C7orf78: variants seen among roughly 807,000 people sequenced by gnomAD.
C7orf78 encodes the protein putative uncharacterized protein C7orf78.
the C7orf78 span, chr7:12,523,527 A>G: frequency 2.5e-6 from 1 of 395,602 alleles, no homozygotes; most frequent in Non-Finnish European, 4.5e-6. Flanking sequence ...TACATATAGG[A>G]AAATGGTATG....
chr7:12,522,837 A>C, the C7orf78 span: 1 of 395,490 alleles, frequency 2.5e-6, no homozygotes, highest in East Asian at 3.6e-5. Context: ...CTTCTCCTCC[A>C]TACATATTCC....
the C7orf78 span, chr7:12,523,125 T>C: frequency 8.6e-4 from 343 of 398,324 alleles, 1 homozygote; most frequent in Non-Finnish European, 1.3e-3. Flanking sequence ...CAATGTAAAA[T>C]GAAAGTTAAT....
the C7orf78 span, among the ~76,000 whole-genome samples, chr7:12,501,570 G>T: frequency 5.2e-5 from 7 of 135,368 alleles, 1 homozygote; most frequent in South Asian, 1.9e-3. Flanking sequence ...CACTGCTCAA[G>T]GAAATAAAAG....
chr7:12,504,463 A>G, the C7orf78 span: 1 of 152,166 alleles, frequency 6.6e-6, no homozygotes, highest in African/African-American at 2.4e-5. Flanking sequence ...ATAATGTTAA[A>G]CTGTTAGTCT....
chr7:12,508,097 AACCAACTGAC>A, the C7orf78 span, among the ~76,000 whole-genome samples: 1 of 152,240 alleles, frequency 6.6e-6, no homozygotes, highest in Non-Finnish European at 1.5e-5. Flanking sequence ...ATTAAAAGAT[AACCAACTGAC>A]ATGAACTGAC....
chr7:12,503,140 G>A, the C7orf78 span, among the ~76,000 whole-genome samples: 1 of 137,244 alleles, frequency 7.3e-6, no homozygotes, highest in Non-Finnish European at 1.6e-5. Context: ...GCTAGATGAC[G>A]AGTTAGTGGG....
chr7:12,499,342 G>T, the C7orf78 span, among the ~76,000 whole-genome samples: 2 of 152,054 alleles, frequency 1.3e-5, no homozygotes, highest in Non-Finnish European at 2.9e-5. Context: ...GCACACTCAC[G>T]TGCAGAGACA....
chr7:12,514,974 A>G, the C7orf78 span, among the ~76,000 whole-genome samples: 1 of 152,150 alleles, frequency 6.6e-6, no homozygotes, highest in South Asian at 2.1e-4. Flanking sequence ...AAGGTTTCTG[A>G]TGAGAAATCT....
the C7orf78 span, chr7:12,531,029 G>A: frequency 1.4e-4 from 55 of 398,298 alleles, no homozygotes; most frequent in South Asian, 8.9e-4. Context: ...AGAAGGCAGC[G>A]TGATGCATAC....
At chr7:12,534,851 G>C in the C7orf78 span, among the ~76,000 whole-genome samples, 1 of 152,040 alleles carries the variant, frequency 6.6e-6, no homozygotes, top group African/African-American at 2.4e-5. Flanking sequence ...CTACACTAGA[G>C]GCTGAGGCGG....
At chr7:12,504,799 T>A in the C7orf78 span, among the ~76,000 whole-genome samples, 1 of 152,106 alleles carries the variant, frequency 6.6e-6, no homozygotes, top group African/African-American at 2.4e-5. Context: ...TTTATACAAG[T>A]TTACAAATGT....
chr7:12,483,986 G>C, the C7orf78 span: 1 of 151,952 alleles, frequency 6.6e-6, no homozygotes, highest in Admixed American at 6.6e-5. Context: ...ATTATTTTGA[G>C]TCTGGAGTGT....
the C7orf78 span, among the ~76,000 whole-genome samples, chr7:12,520,837 A>G: frequency 2.0e-5 from 3 of 152,242 alleles, no homozygotes; most frequent in Admixed American, 6.5e-5. Context: ...GTCCCTTACT[A>G]TTATTGTATT....
chr7:12,497,794 C>A, the C7orf78 span, among the ~76,000 whole-genome samples: 3 of 151,328 alleles, frequency 2.0e-5, no homozygotes, highest in African/African-American at 7.3e-5. Flanking sequence ...CACAGACAAA[C>A]AAAAAGACAG....
At chr7:12,516,432 T>C in the C7orf78 span, among the ~76,000 whole-genome samples, 1 of 152,184 alleles carries the variant, frequency 6.6e-6, no homozygotes, top group Non-Finnish European at 1.5e-5. Context: ...ATGGAGAACC[T>C]CTGCTAGGAC....
the C7orf78 span, among the ~76,000 whole-genome samples, chr7:12,487,316 T>C: frequency 1.3e-5 from 2 of 152,140 alleles, no homozygotes; most frequent in South Asian, 2.1e-4. Flanking sequence ...GTCTTTGAGA[T>C]TGAAATCCAT....
chr7:12,509,957 C>T, the C7orf78 span, among the ~76,000 whole-genome samples: 1 of 151,376 alleles, frequency 6.6e-6, no homozygotes, highest in South Asian at 2.1e-4. Context: ...TCACTTGAAC[C>T]CGGGAGGCAG....
the C7orf78 span, among the ~76,000 whole-genome samples, chr7:12,498,459 C>T: frequency 7.9e-5 from 12 of 151,152 alleles, no homozygotes; most frequent in South Asian, 2.1e-4. Flanking sequence ...GGAGCCGATG[C>T]GATCAACTGG....
chr7:12,505,648 T>G, the C7orf78 span, among the ~76,000 whole-genome samples: 1 of 152,182 alleles, frequency 6.6e-6, no homozygotes, highest in African/African-American at 2.4e-5. Flanking sequence ...AAAAGCAACA[T>G]TTACTATTAA....
Sources: allele counts gnomAD v4.1 joint callset (sites outside exome capture counted in the v4.1 genomes callset), GRCh38; gene constraint gnomAD v4.1.1; transcripts MANE v1.5; gene names NCBI Gene and HGNC (gene_info 2026-07-23, HGNC 2026-07-21).